Variants in ZNF718 observed in about 807,000 individuals in gnomAD.
The protein encoded by ZNF718 is zinc finger protein 718.
In ZNF718, 3 loss-of-function variants were observed where a neutral mutation model predicts 2.6. That is an observed-to-expected ratio of 1.16 (90% CI 0.53 to 3.01). The LOEUF is 3.01. Among genes scored for constraint, ZNF718 ranks in the 30% most tolerant of loss-of-function variants. The probability of loss-of-function intolerance (pLI) is 0.03; values close to 1 mark genes in which losing one functional copy is unlikely to be tolerated. For missense variants in ZNF718, 468 were observed against 230.0 expected (o/e 2.03, Z -6.69); for synonymous variants, 135 against 77.9 (o/e 1.73, Z -3.86).
Position 161,035 on chromosome 4 carries a change from G to C in ZNF718, c.350G>C (p.Ser117Thr), listed in dbSNP as rs376713824. 1.3e-5 allele frequency: 10 copies of C among 780,582 alleles called. No homozygotes were observed. The East Asian group carries it at 2.4e-4, about 19-fold the overall frequency. The allele number at this position is 780,582 out of a possible 1,614,324, so 48.4% of individuals were successfully genotyped here. A position where few individuals can be genotyped will look rare whatever the true frequency, so the allele number is the denominator to read the frequency against. The stretch of plus-strand genomic sequence containing the variant: ...GAGAATTTAAGAAAAACTTGTAAAA[G>C]TATAAATGAGTGTAAGGTGCAGAAA... ...GHENLRKTCK[S>T]INECKVQKGG... Residue 117 changes from serine (S) to threonine (T), a missense_variant, in exon 4 of 4, where the codon AGT becomes ACT. Transcript: ENST00000510175.
At chr4:196,595 A>G (rs1553822061) in intron 3 of ZNF718, among the ~76,000 whole-genome samples, 1 of 152,170 alleles carries the variant, frequency 6.6e-6, no homozygotes, top group African/African-American at 2.4e-5. Context: ...GGGTGCATGC[A>G]TAGGCAACTG....
chr4:156,205 T>A (rs1285927046), intron 3 of ZNF718, among the ~76,000 whole-genome samples: 1 of 152,100 alleles, frequency 6.6e-6, no homozygotes, highest in African/African-American at 2.4e-5. Context: ...GGAGCACAAG[T>A]CAAATATGCA....
At chr4:189,424 A>G (rs1717650428) in intron 3 of ZNF718, among the ~76,000 whole-genome samples, 1 of 151,850 alleles carries the variant, frequency 6.6e-6, no homozygotes, top group Non-Finnish European at 1.5e-5. Context: ...TTTTTTCTTG[A>G]CTTAATTTTT....
intron 1 of ZNF718, among the ~76,000 whole-genome samples, chr4:126,822 TTTTTCTC>T (rs1715241436): frequency 6.7e-6 from 1 of 149,166 alleles, no homozygotes; most frequent in Non-Finnish European, 1.5e-5. Flanking sequence ...TTGGAGATAA[TTTTTCTC>T]TTTTTTTTTT....
intron 3 of ZNF718, among the ~76,000 whole-genome samples, chr4:172,782 G>GT (rs1553818325): frequency 6.6e-6 from 1 of 151,516 alleles, no homozygotes; most frequent in Non-Finnish European, 1.5e-5. Context: ...CATGCCAGGT[G>GT]TGGTGACTCT....
In ZNF718 at chr4:151,983, G is replaced by A. The variant is rs1472653193; in HGVS notation, c.227-8929G>A. On this transcript the variant is annotated intron_variant, in intron 3 of 3. Transcript: ENST00000510175. ...GGTCACAAGACAATTGTGGGGAGAG[G>A]GTCAGCAGACAAACACGTGAACAAA... Among the ~76,000 whole-genome samples the A allele has an allele frequency of 3.2e-4, 48 of 148,382 alleles. 1 individual carries two copies. Among genetic ancestry groups the A allele is most frequent in the African/African-American group, 1.0e-3 (42 of 40,152 alleles).
At chr4:199,772 T>C (rs1444614297) in intron 3 of ZNF718, among the ~76,000 whole-genome samples, 1 of 152,190 alleles carries the variant, frequency 6.6e-6, no homozygotes, top group Non-Finnish European at 1.5e-5. Flanking sequence ...GGTCATCACC[T>C]CCTGCCTTTT....
intron 3 of ZNF718, chr4:150,237 T>C (rs1344953487): frequency 2.0e-5 from 3 of 152,190 alleles, no homozygotes; most frequent in African/African-American, 4.8e-5. Context: ...AAAAATCCGA[T>C]ACTGATCTGT....
At position 143,212 on chromosome 4, in the gene ZNF718, T is replaced by A. The variant is rs559720316; in HGVS notation, c.226+11707T>A. Among the ~76,000 whole-genome samples the A allele has an allele frequency of 9.8e-5, 15 of 152,314 alleles. No homozygotes were observed. The East Asian group carries it at 2.1e-3, about 22-fold the overall frequency. ...AAGGGGGAATTTCGTTTTGTTTTGTTTGAGACGGAGTCTCTGTCACCCAGA... is the reference window on the plus strand; with the variant it reads ...AAGGGGGAATTTCGTTTTGTTTTGTATGAGACGGAGTCTCTGTCACCCAGA... On this transcript the variant is annotated intron_variant, in intron 3 of 3. Coordinates refer to ENST00000510175, the MANE Select transcript of ZNF718 (RefSeq NM_001039127.6).
chr4:180,631 A>G (rs1220455338), intron 3 of ZNF718, among the ~76,000 whole-genome samples: 1 of 152,228 alleles, frequency 6.6e-6, no homozygotes, highest in Non-Finnish European at 1.5e-5. Flanking sequence ...TGTGCATCAC[A>G]CTGTGTTTAG....
rs1560121799 is a variant in ZNF718, at chr4:161,106, A to G, written c.421A>G (p.Lys141Glu). 5.2e-6 allele frequency: 4 copies of G among 766,784 alleles called. No individual in the cohort carries two copies. The South Asian group carries it at 5.5e-5, about 10-fold the overall frequency. The allele number at this position is 766,784 out of a possible 1,614,324, so 47.5% of individuals were successfully genotyped here. A position where few individuals can be genotyped will look rare whatever the true frequency, so the allele number is the denominator to read the frequency against. The change falls in exon 4 of 4, where the codon AAA (lysine) becomes GAA (glutamate). Residue 141 changes from lysine (K) to glutamate (E), a missense_variant. Transcript: ENST00000510175. Reference protein sequence around the residue: ...INQCLLTTQKKTIQSNICVKV... With the variant: ...INQCLLTTQKETIQSNICVKV... ...CCAATGCTTATTAACTACCCAGAAA[A>G]AAACAATTCAATCTAATATATGTGT...
chr4:135,723 A>C (rs1245364403), intron 3 of ZNF718, among the ~76,000 whole-genome samples: 7 of 23,388 alleles, frequency 3.0e-4, no homozygotes, highest in Non-Finnish European at 4.9e-4. Context: ...TTGTTCATTT[A>C]CTCTAGAGTT....
At chr4:160,347 G>A (rs1298052603) in intron 3 of ZNF718, among the ~76,000 whole-genome samples, 1 of 152,094 alleles carries the variant, frequency 6.6e-6, no homozygotes, top group African/African-American at 2.4e-5. Flanking sequence ...TCTTGGAATT[G>A]TGCTTACCTG....
At chr4:164,742 A>G (rs1263896109), downstream of ZNF718, among the ~76,000 whole-genome samples, 1 of 152,120 alleles carries the variant, frequency 6.6e-6, no homozygotes, top group Non-Finnish European at 1.5e-5. Context: ...TGTTCCTTTC[A>G]CTTTTTATAA....
intron 3 of ZNF718, among the ~76,000 whole-genome samples, chr4:140,067 C>T (rs978714305): frequency 5.3e-5 from 8 of 152,092 alleles, no homozygotes; most frequent in African/African-American, 1.9e-4. Flanking sequence ...ATGTGTGGCG[C>T]AGTTCAGAGC....
At chr4:154,752 T>C (rs782018467) in intron 3 of ZNF718, among the ~76,000 whole-genome samples, 52 of 152,302 alleles carry the variant, frequency 3.4e-4, no homozygotes, top group Non-Finnish European at 5.9e-4. Context: ...GATGATGTGA[T>C]AGACAAGAAA....
intron 3 of ZNF718, among the ~76,000 whole-genome samples, chr4:171,896 T>A (rs1717242936): frequency 6.6e-6 from 1 of 152,130 alleles, no homozygotes; most frequent in Admixed American, 6.5e-5. Context: ...ACCCGGTACC[T>A]CAGTTGGAAA....
intron 3 of ZNF718, among the ~76,000 whole-genome samples, chr4:200,626 A>G (rs1163503710): frequency 6.6e-6 from 1 of 152,192 alleles, no homozygotes; most frequent in African/African-American, 2.4e-5. Context: ...AATACCAGAA[A>G]AAATTACCAA....
At chr4:198,925 T>A (rs1314012109) in intron 3 of ZNF718, among the ~76,000 whole-genome samples, 1 of 152,238 alleles carries the variant, frequency 6.6e-6, no homozygotes, top group Non-Finnish European at 1.5e-5. Context: ...AGGCAGGTAC[T>A]GCTATCTTCA....
Sources: gnomAD v4.1 joint callset for allele counts (sites outside exome capture counted in the v4.1 genomes callset) on GRCh38, gnomAD v4.1.1 for gene constraint, MANE v1.5 for transcripts, NCBI Gene and HGNC (gene_info 2026-07-23, HGNC 2026-07-21) for gene names.